The following SDAD1 variants were observed in gnomAD, a reference collection of about 807,000 sequenced individuals.
The protein encoded by SDAD1 is protein SDA1 homolog.
SDAD1 carries 79 observed loss-of-function variants against 100.3 expected under a neutral mutation model. The observed-to-expected ratio is 0.79, with a 90% CI of 0.66 to 0.95. The LOEUF is 0.95. Ranked by LOEUF, SDAD1 falls within the 40% of genes least tolerant of loss-of-function variation. The pLI is 0.00. For synonymous variants in SDAD1, 267 were observed against 271.4 expected (o/e 0.98, Z 0.16); for missense variants, 790 against 810.9 (o/e 0.97, Z 0.31).
rs529442911 is a variant in SDAD1, at chr4:75,977,824, A to G, written c.295-68T>C. 5 of 902,432 alleles carry G rather than the reference A, an allele frequency of 5.5e-6. No homozygotes were observed. In the Admixed American group the frequency reaches 7.8e-5, roughly 14 times the overall value. The allele number at this position is 902,432 out of a possible 1,614,324, so 55.9% of individuals were successfully genotyped here. A position where few individuals can be genotyped will look rare whatever the true frequency, so the allele number is the denominator to read the frequency against. On this transcript the variant is annotated intron_variant, in intron 3 of 21. Coordinates refer to ENST00000356260, the MANE Select transcript of SDAD1 (RefSeq NM_018115.4). ...AACAAGGTGAGAAAATACAGCGTAT[A>G]TGTCCCAAGACCTTAATGTCTTTTA...
At chr4:75,967,381 G>A (rs1234531369) in intron 11 of SDAD1, 47 bp from the exon 12 acceptor site, 1 of 1,538,754 alleles carries the variant, frequency 6.5e-7, no homozygotes, top group Admixed American at 1.7e-5. Context: ...TGACACTATG[G>A]AGTTCCATTT....
chr4:75,953,519 C>T (rs1190553322), intron 21 of SDAD1, among the ~76,000 whole-genome samples: 2 of 152,196 alleles, frequency 1.3e-5, no homozygotes, highest in Admixed American at 6.5e-5. Context: ...CTAAGTGGCA[C>T]CTTTCCTTTC....
chr4:75,956,071 C>A lies in SDAD1; in HGVS notation c.1920G>T (p.Ser640=), dbSNP rs746008352. The change falls in exon 21 of 22, where the codon TCG becomes TCT. Residue 640 remains serine (S), a synonymous_variant. Coordinates refer to ENST00000356260, the MANE Select transcript of SDAD1 (RefSeq NM_018115.4). ...TCTGTTTTTTCTTCTCTTTATTTGT[C>A]GAACTGGAAAATGGATTTGTTTTGG... ...KKTKTNPFSS[S]TNKEKKKQKN... 6.2e-7 allele frequency: 1 copy of A among 1,613,510 alleles called. No homozygotes were observed. The highest frequency in any genetic ancestry group is 1.1e-5 in the South Asian group (1 of 90,870).
chr4:75,987,211 T>C (rs73825596), intron 1 of SDAD1, among the ~76,000 whole-genome samples: 241 of 152,240 alleles, frequency 1.6e-3, no homozygotes, highest in African/African-American at 5.3e-3. Flanking sequence ...GGTTCTTCAG[T>C]ATATTCACCA....
At chr4:75,990,279 C>T (rs1041167403) in intron 1 of SDAD1, among the ~76,000 whole-genome samples, 4 of 149,344 alleles carry the variant, frequency 2.7e-5, no homozygotes, top group African/African-American at 7.4e-5. Flanking sequence ...GAGAAACCCC[C>T]CCCCCCCCTT....
chr4:75,953,192 T>G (rs1669511276), intron 21 of SDAD1, among the ~76,000 whole-genome samples: 1 of 152,200 alleles, frequency 6.6e-6, no homozygotes, highest in Admixed American at 6.5e-5. Flanking sequence ...AAATCTTAAT[T>G]TACTCTCAAA....
chr4:75,959,973 G>T, intron 17 of SDAD1, 93 bp downstream of exon 17: 1 of 1,316,224 alleles, frequency 7.6e-7, no homozygotes, highest in Non-Finnish European at 1.0e-6. Context: ...ATAAATATCT[G>T]CTGAATGAAT....
At chr4:75,980,455 G>T (rs1013587736) in intron 3 of SDAD1, among the ~76,000 whole-genome samples, 1 of 152,192 alleles carries the variant, frequency 6.6e-6, no homozygotes. Flanking sequence ...TCATATTTGC[G>T]TACTTATCTG....
intron 13 of SDAD1, among the ~76,000 whole-genome samples, chr4:75,965,512 T>TA (rs1488602259): frequency 6.6e-6 from 1 of 152,154 alleles, no homozygotes; most frequent in African/African-American, 2.4e-5. Flanking sequence ...AAATCACTAA[T>TA]AAAACCTTGC....
At chr4:75,979,294 T>G (rs1485499869) in intron 3 of SDAD1, among the ~76,000 whole-genome samples, 1 of 152,008 alleles carries the variant, frequency 6.6e-6, no homozygotes, top group Non-Finnish European at 1.5e-5. Context: ...CAAAAAGTCT[T>G]GGAAAAATAG....
intron 20 of SDAD1, 107 bp downstream of exon 20, chr4:75,957,218 T>C (rs1444829488): frequency 1.2e-6 from 1 of 846,988 alleles, no homozygotes; most frequent in Non-Finnish European, 1.9e-6. Context: ...TATACCTTTA[T>C]TTAAAACATT....
intron 17 of SDAD1, among the ~76,000 whole-genome samples, chr4:75,958,479 G>T (rs932352429): frequency 4.6e-5 from 7 of 152,136 alleles, no homozygotes; most frequent in African/African-American, 1.7e-4. Flanking sequence ...CAATAAAAAG[G>T]TATCAGGCTT....
intron 7 of SDAD1, 66 bp downstream of exon 7, chr4:75,974,010 T>G: frequency 7.3e-7 from 1 of 1,370,304 alleles, no homozygotes; most frequent in Non-Finnish European, 1.0e-6. Flanking sequence ...TGATGCTTTC[T>G]TCTAACTGCA....
intron 1 of SDAD1, among the ~76,000 whole-genome samples, chr4:75,990,035 G>A (rs1007838601): frequency 2.6e-5 from 4 of 152,194 alleles, no homozygotes; most frequent in Admixed American, 6.5e-5. Context: ...GGAAGCACCT[G>A]TCAGATTAAT....
intron 8 of SDAD1, among the ~76,000 whole-genome samples, chr4:75,972,837 C>G: frequency 6.6e-6 from 1 of 151,700 alleles, no homozygotes; most frequent in Non-Finnish European, 1.5e-5. Flanking sequence ...CTGGCTAACA[C>G]GGTGAAACCC....
chr4:75,962,873 C>T (rs1006894549), intron 14 of SDAD1, among the ~76,000 whole-genome samples: 3 of 152,092 alleles, frequency 2.0e-5, no homozygotes, highest in African/African-American at 7.2e-5. Context: ...GTTTCTTTTG[C>T]TGTGCAGAAG....
chr4:75,980,593 T>G (rs1018026470), intron 3 of SDAD1, among the ~76,000 whole-genome samples: 11 of 152,156 alleles, frequency 7.2e-5, no homozygotes, highest in African/African-American at 2.2e-4. Flanking sequence ...GGAAGGAGGA[T>G]AGTGCAGAGA....
chr4:75,983,788 T>A (rs911747246), intron 1 of SDAD1, among the ~76,000 whole-genome samples: 3 of 152,218 alleles, frequency 2.0e-5, no homozygotes, highest in Non-Finnish European at 4.4e-5. Context: ...AGCTCTTTAG[T>A]TTAATTAGAT....
intron 2 of SDAD1, 71 bp downstream of exon 2, chr4:75,981,862 A>G: frequency 1.9e-6 from 2 of 1,056,962 alleles, no homozygotes; most frequent in South Asian, 2.9e-5. Context: ...AATAAGGTTG[A>G]GTATTAGTGA....
Sources: gnomAD v4.1 joint callset for allele counts (sites outside exome capture counted in the v4.1 genomes callset) on GRCh38, gnomAD v4.1.1 for gene constraint, MANE v1.5 for transcripts, NCBI Gene and HGNC (gene_info 2026-07-23, HGNC 2026-07-21) for gene names.